Variants in CYREN observed in about 807,000 individuals in gnomAD.
CYREN encodes the protein cell cycle regulator of non-homologous end joining.
In CYREN, 7 loss-of-function variants were observed where a neutral mutation model predicts 9.7. That is an observed-to-expected ratio of 0.72 (90% confidence interval 0.41 to 1.36). The LOEUF is 1.36. CYREN is among the 40% of genes most tolerant of loss of function. CYREN has a pLI of 0.01. For missense variants in CYREN, 215 were observed against 198.1 expected (o/e 1.09, Z -0.51); for synonymous variants, 76 against 77.9 (o/e 0.98, Z 0.13).
chr7:135,147,608 C>A (rs1293055784), intron 2 of CYREN, among the ~76,000 whole-genome samples: 2 of 152,140 alleles, frequency 1.3e-5, no homozygotes, highest in Non-Finnish European at 2.9e-5. Context: ...ATGCTCAGGA[C>A]ACAAAGTTTT....
chr7:135,137,120 T>C (rs1829363508), intron 2 of CYREN, among the ~76,000 whole-genome samples: 1 of 151,942 alleles, frequency 6.6e-6, no homozygotes. Context: ...TCCATAGAAA[T>C]TTAAAACAAC....
chr7:135,151,413 C>A lies in CYREN; in HGVS notation n.356+17336G>T, dbSNP rs73725242. Among the ~76,000 whole-genome samples the A allele has an allele frequency of 0.037, 5,603 of 152,266 alleles. 330 individuals carry two copies. Among genetic ancestry groups the A allele is most frequent in the African/African-American group, 0.13 (5,306 of 41,532 alleles). ...CACACTGATCTTCAATGTGTTCCAC[C>A]AGAAATATTTTAGCCAGGACTGGTG... On this transcript the variant is annotated intron_variant and non_coding_transcript_variant, in intron 2 of 2. Transcript: ENST00000459937. This position sits in a 1 kb window ranked among gnomAD's most constrained non-coding sequence, Gnocchi z 4.3.
intron 2 of CYREN, among the ~76,000 whole-genome samples, chr7:135,157,772 T>C (rs1180616758): frequency 6.6e-6 from 1 of 152,192 alleles, no homozygotes; most frequent in Non-Finnish European, 1.5e-5. Context: ...TGGGCACTGT[T>C]CTAAGTGTGC....
chr7:135,108,199 T>A (rs1172662911), intron 2 of CYREN, among the ~76,000 whole-genome samples: 1 of 152,202 alleles, frequency 6.6e-6, no homozygotes, highest in African/African-American at 2.4e-5. Context: ...AATGGGGGCA[T>A]TTAGCCCATT....
At chr7:135,150,234 C>T (rs1214338297) in intron 2 of CYREN, among the ~76,000 whole-genome samples, 1 of 152,138 alleles carries the variant, frequency 6.6e-6, no homozygotes, top group Non-Finnish European at 1.5e-5. Context: ...AATGAAGAAC[C>T]CTTTCAGGAC....
chr7:135,124,379 A>G (rs1421474887), intron 2 of CYREN, among the ~76,000 whole-genome samples: 1 of 152,244 alleles, frequency 6.6e-6, no homozygotes, highest in African/African-American at 2.4e-5. Context: ...CCAATACAGG[A>G]GCACCCAGAT....
chr7:135,127,561 A>G (rs1828066171), intron 2 of CYREN, among the ~76,000 whole-genome samples: 1 of 152,140 alleles, frequency 6.6e-6, no homozygotes, highest in Non-Finnish European at 1.5e-5. Context: ...AAAAAAAAAA[A>G]AAAAACTCAA....
intron 2 of CYREN, among the ~76,000 whole-genome samples, chr7:135,120,917 G>A (rs1319517905): frequency 6.6e-6 from 1 of 152,132 alleles, no homozygotes; most frequent in South Asian, 2.1e-4. Flanking sequence ...TAAAATCACA[G>A]AACTGGCTGG....
chr7:135,155,260 GATC>G (rs2117439767), intron 2 of CYREN, among the ~76,000 whole-genome samples: 1 of 152,258 alleles, frequency 6.6e-6, no homozygotes, highest in Admixed American at 6.5e-5. Flanking sequence ...AAGCAGCATG[GATC>G]ATGTTTTTTC....
chr7:135,164,935 T>C, downstream of CYREN: 1 of 1,613,852 alleles, frequency 6.2e-7, no homozygotes, highest in Non-Finnish European at 8.5e-7. Flanking sequence ...ATCCTCTTGC[T>C]TATAGCCATG....
chr7:135,125,777 G>A lies in CYREN; in HGVS notation n.357-31195C>T, dbSNP rs190044345. On this transcript the variant is annotated intron_variant and non_coding_transcript_variant, in intron 2 of 2. Transcript: ENST00000459937. ...ATAAACATAATCCATCACATAAACA[G>A]AACCAAAGACAAAAACCACATAATT... 2.3e-3 allele frequency among the ~76,000 whole-genome samples: 347 copies of A among 152,150 alleles called. 1 individual carries two copies. The highest frequency in any genetic ancestry group is 7.7e-3 in the African/African-American group (318 of 41,522).
intron 2 of CYREN, chr7:135,129,490 G>A: frequency 1.3e-6 from 1 of 772,846 alleles, no homozygotes; most frequent in South Asian, 1.3e-5. Context: ...CCATGTTGTG[G>A]AACTCCCATA....
chr7:135,093,417 A>G (rs1822163167), exon 3 of CYREN: 1 of 152,318 alleles, frequency 6.6e-6, no homozygotes, highest in South Asian at 2.1e-4. Flanking sequence ...TGTGAATTAC[A>G]TCTCAAAAAC....
intron 2 of CYREN, among the ~76,000 whole-genome samples, chr7:135,104,699 A>G (rs1585138449): frequency 6.6e-6 from 1 of 151,130 alleles, no homozygotes; most frequent in South Asian, 2.1e-4. Context: ...GCTTTATTTC[A>G]TATGCCTTTT....
chr7:135,143,811 C>T (rs979270077), intron 2 of CYREN, among the ~76,000 whole-genome samples: 17 of 152,152 alleles, frequency 1.1e-4, no homozygotes, highest in Non-Finnish European at 1.8e-4. Context: ...GTCCTAAGGA[C>T]ATACATCAAA....
intron 2 of CYREN, among the ~76,000 whole-genome samples, chr7:135,103,276 T>C (rs1385158911): frequency 6.6e-6 from 1 of 152,152 alleles, no homozygotes; most frequent in Non-Finnish European, 1.5e-5. Flanking sequence ...CAAAAAGAAA[T>C]CAAATTATTG....
chr7:135,116,580 TG>T (rs1310389762), intron 2 of CYREN, among the ~76,000 whole-genome samples: 1 of 152,192 alleles, frequency 6.6e-6, no homozygotes, highest in African/African-American at 2.4e-5. Flanking sequence ...GCTCCCCATT[TG>T]GTTTCCAATG....
At chr7:135,163,735 G>A (rs1014523938), downstream of CYREN, among the ~76,000 whole-genome samples, 33 of 152,336 alleles carry the variant, frequency 2.2e-4, no homozygotes, top group African/African-American at 7.7e-4. Flanking sequence ...TTAAAGTAAT[G>A]AGTATATGAT....
chr7:135,128,205 T>C (rs903301543), intron 2 of CYREN, among the ~76,000 whole-genome samples: 7 of 132,318 alleles, frequency 5.3e-5, no homozygotes, highest in Non-Finnish European at 1.1e-4. Context: ...GACAGGAGAA[T>C]TGCTTGAACC....
Sources: allele counts gnomAD v4.1 joint callset (sites outside exome capture counted in the v4.1 genomes callset), GRCh38; gene constraint gnomAD v4.1.1; non-coding constraint Gnocchi (gnomAD v3.1); transcripts MANE v1.5; gene names NCBI Gene and HGNC (gene_info 2026-07-23, HGNC 2026-07-21).